Variants in LRRTM3 observed in about 807,000 individuals in gnomAD.
LRRTM3 encodes leucine rich repeat transmembrane neuronal 3.
Under a neutral mutation model 44.7 loss-of-function variants are expected in LRRTM3, and 24 were observed. The observed-to-expected ratio is 0.54, with a 90% CI of 0.39 to 0.76. The LOEUF (loss-of-function observed/expected upper bound fraction) is 0.76, where lower values mean the gene tolerates loss of function less well. Ranked by LOEUF, LRRTM3 falls within the 30% of genes least tolerant of loss-of-function variation. The probability of loss-of-function intolerance (pLI) is 0.00; values close to 1 mark genes in which losing one functional copy is unlikely to be tolerated. For missense variants in LRRTM3, 587 were observed against 702.2 expected (o/e 0.84, Z 1.85); for synonymous variants, 277 against 278.7 (o/e 0.99, Z 0.06).
chr10:66,987,619 G>C (rs1002163495), intron 2 of LRRTM3, among the ~76,000 whole-genome samples: 3 of 152,154 alleles, frequency 2.0e-5, no homozygotes, highest in African/African-American at 7.2e-5. Context: ...AATCATTGAG[G>C]AAATGTCTTG....
chr10:66,935,969 T>A (rs554779038), intron 2 of LRRTM3, among the ~76,000 whole-genome samples: 24 of 152,222 alleles, frequency 1.6e-4, no homozygotes, highest in Non-Finnish European at 3.4e-4. Context: ...TAATTTCCGA[T>A]GATTTACCAT....
At chr10:66,952,938 G>A (rs1000052119) in intron 2 of LRRTM3, among the ~76,000 whole-genome samples, 1 of 151,942 alleles carries the variant, frequency 6.6e-6, no homozygotes, top group South Asian at 2.1e-4. Context: ...AGAATGCAAG[G>A]TATCCTTTGA....
At chr10:66,954,689 G>A (rs1223192132) in intron 2 of LRRTM3, among the ~76,000 whole-genome samples, 3 of 152,174 alleles carry the variant, frequency 2.0e-5, no homozygotes, top group Non-Finnish European at 4.4e-5. Context: ...GTGCTAGCAG[G>A]CCTCAAAATG....
intron 2 of LRRTM3, among the ~76,000 whole-genome samples, chr10:66,941,335 G>A (rs1847982958): frequency 6.6e-6 from 1 of 152,152 alleles, no homozygotes; most frequent in African/African-American, 2.4e-5. Flanking sequence ...CATTTCTCGA[G>A]TGCATTTTAA....
chr10:67,016,328 A>G (rs1852656192), intron 2 of LRRTM3, among the ~76,000 whole-genome samples: 1 of 152,160 alleles, frequency 6.6e-6, no homozygotes, highest in South Asian at 2.1e-4. Context: ...CTTCTTTCCA[A>G]ATATTTTATT....
chr10:67,077,875 A>T (rs953357930), intron 2 of LRRTM3, among the ~76,000 whole-genome samples: 3 of 152,200 alleles, frequency 2.0e-5, no homozygotes, highest in African/African-American at 7.2e-5. Context: ...AAAAGATAGA[A>T]ATCTTTTTAT....
At chr10:67,016,657 G>A (rs956593073) in intron 2 of LRRTM3, among the ~76,000 whole-genome samples, 1 of 152,130 alleles carries the variant, frequency 6.6e-6, no homozygotes, top group Non-Finnish European at 1.5e-5. Context: ...TATTTTTGGG[G>A]GAAAGGCACC....
At chr10:67,031,179 A>G (rs1043858046) in intron 2 of LRRTM3, among the ~76,000 whole-genome samples, 7 of 152,154 alleles carry the variant, frequency 4.6e-5, no homozygotes, top group Admixed American at 2.6e-4. Context: ...TATAAATAAA[A>G]CCCTCTGATT....
At chr10:67,062,070 C>G (rs1244200527) in intron 2 of LRRTM3, among the ~76,000 whole-genome samples, 1 of 152,050 alleles carries the variant, frequency 6.6e-6, no homozygotes, top group Non-Finnish European at 1.5e-5. Context: ...GTAATAATAT[C>G]TTTAAGAACT....
intron 2 of LRRTM3, among the ~76,000 whole-genome samples, chr10:66,981,718 T>C (rs548669302): frequency 1.3e-5 from 2 of 152,210 alleles, no homozygotes; most frequent in Non-Finnish European, 2.9e-5. Context: ...TATTAACTCA[T>C]TGCAAACTCA....
intron 2 of LRRTM3, among the ~76,000 whole-genome samples, chr10:67,052,319 T>A (rs1855153548): frequency 1.5e-5 from 1 of 65,050 alleles, no homozygotes. Context: ...CATCACTCTC[T>A]CTCTCTCTCT....
chr10:66,926,103 T>C lies in LRRTM3; in HGVS notation c.-481T>C, dbSNP rs1345581260. 1 of 458,352 alleles carries C rather than the reference T, an allele frequency of 2.2e-6. No individual in the cohort carries two copies. 28.4% of individuals were successfully genotyped at this position (458,352 alleles called of 1,614,324 possible). On this transcript the variant is annotated 5_prime_UTR_variant, in exon 1 of 3. Transcript: ENST00000361320. Reference sequence around the variant, plus strand: ...GCTGAGCGTGTGCGCGGTACGGGGCTCTCCTGCCTTCTGGGCTCCAACGCA... The same window carrying C: ...GCTGAGCGTGTGCGCGGTACGGGGCCCTCCTGCCTTCTGGGCTCCAACGCA...
At chr10:67,018,288 G>T (rs554348825) in intron 2 of LRRTM3, among the ~76,000 whole-genome samples, 1 of 152,178 alleles carries the variant, frequency 6.6e-6, no homozygotes, top group African/African-American at 2.4e-5. Flanking sequence ...TGTTTTATGA[G>T]GTAGTTTACT....
At position 67,099,328 on chromosome 10, in the gene LRRTM3, T is replaced by A. The variant is rs903958980; in HGVS notation, c.*1532T>A. On this transcript the variant is annotated 3_prime_UTR_variant, in exon 3 of 3. Coordinates refer to ENST00000361320, the MANE Select transcript of LRRTM3 (RefSeq NM_178011.5). ...CAATAGTAATCATGCATTCTTGTGT[T>A]TTTTTTTAATGGAAAACTGCAAGTT... is the stretch of plus-strand genomic sequence containing the variant. The A allele has an allele frequency of 4.0e-5, 6 of 151,498 alleles. No individual in the cohort carries two copies. The highest frequency in any genetic ancestry group is 1.5e-4 in the African/African-American group (6 of 41,290). 9.4% of individuals were successfully genotyped at this position (151,498 alleles called of 1,614,324 possible).
At chr10:66,959,567 TC>T (rs971382725) in intron 2 of LRRTM3, among the ~76,000 whole-genome samples, 2 of 152,228 alleles carry the variant, frequency 1.3e-5, no homozygotes, top group Non-Finnish European at 2.9e-5. Context: ...AATTAACCTC[TC>T]TGGGAAATCT....
chr10:67,018,111 A>G (rs188078976), intron 2 of LRRTM3, among the ~76,000 whole-genome samples: 189 of 152,306 alleles, frequency 1.2e-3, no homozygotes, highest in African/African-American at 3.9e-3. Context: ...CTTAAAATAT[A>G]TAAATGTTAA....
chr10:66,978,628 C>T (rs977495899), intron 2 of LRRTM3, among the ~76,000 whole-genome samples: 1 of 142,226 alleles, frequency 7.0e-6, no homozygotes, highest in Non-Finnish European at 1.5e-5. Flanking sequence ...GTTCTTACCA[C>T]AGTTTTTAAA....
chr10:67,016,376 T>C (rs1175460610), intron 2 of LRRTM3, among the ~76,000 whole-genome samples: 1 of 146,796 alleles, frequency 6.8e-6, no homozygotes, highest in South Asian at 2.1e-4. Context: ...TCGTTTCTTT[T>C]TGTTTGTTTG....
rs1589435954 is a variant in LRRTM3, at chr10:66,927,627, G to A, written c.711G>A (p.Gln237=). 16 of 1,614,166 alleles carry A rather than the reference G, an allele frequency of 9.9e-6. No individual in the cohort carries two copies. Among genetic ancestry groups the A allele is most frequent in the African/African-American group, 1.3e-5 (1 of 75,030 alleles). The change falls in exon 2 of 3, where the codon CAG becomes CAA. Residue 237 remains glutamine, a synonymous_variant. Coordinates refer to ENST00000361320, the MANE Select transcript of LRRTM3 (RefSeq NM_178011.5). This position sits in a 1 kb window ranked among gnomAD's most constrained non-coding sequence, Gnocchi z 4.7. ...TCAGCCTTCAGAACCTTTACTTGCA[G>A]TGGAATAAAATCAGTGTCATAGGAC... The part of the protein sequence containing the change: ...RLVSLQNLYL[Q]WNKISVIGQT...
Sources: allele counts gnomAD v4.1 joint callset (sites outside exome capture counted in the v4.1 genomes callset), GRCh38; gene constraint gnomAD v4.1.1; non-coding constraint Gnocchi (gnomAD v3.1); transcripts MANE v1.5; gene names NCBI Gene and HGNC (gene_info 2026-07-23, HGNC 2026-07-21).